FANCI: variants seen among roughly 807,000 people sequenced by gnomAD.
FANCI encodes FA complementation group I.
FANCI carries 156 observed loss-of-function variants against 176.1 expected under a neutral mutation model. That is an observed-to-expected ratio of 0.89 (90% confidence interval 0.78 to 1.01). The LOEUF (loss-of-function observed/expected upper bound fraction) is 1.01. Ranked by LOEUF, FANCI falls within the 50% of genes least tolerant of loss-of-function variation. The pLI is 0.00. For missense variants in FANCI, 1,678 were observed against 1,534.1 expected, an observed-to-expected ratio of 1.09 and a Z score of -1.57; for synonymous variants, 613 against 541.7, an observed-to-expected ratio of 1.13 and a Z score of -1.83.
chr15:89,299,812 G>C lies in FANCI; in HGVS notation c.2649G>C (p.Trp883Cys), dbSNP rs776067081. 6.2e-7 allele frequency: 1 copy of C among 1,613,594 alleles called. No individual in the cohort carries two copies. Among genetic ancestry groups the C allele is most frequent in the East Asian group, 2.2e-5 (1 of 44,834 alleles). Residue 883 changes from tryptophan to cysteine, a missense_variant, in exon 25 of 38, where the codon TGG becomes TGC. Transcript: ENST00000310775. Reference protein sequence around the residue: ...NLCDITRVLLWRYTSIPTSVE... With the variant: ...NLCDITRVLLCRYTSIPTSVE... ...TCTCCTGCTTCAGAGTCTTGCTATG[G>C]AGATACACTTCAATTCCTACTTCAG...
At chr15:89,313,671 C>G (rs532826300) in intron 35 of FANCI, among the ~76,000 whole-genome samples, 2 of 152,236 alleles carry the variant, frequency 1.3e-5, no homozygotes, top group East Asian at 1.9e-4. Context: ...GTAGCAGTTT[C>G]ACTTTTAGGA....
In FANCI at chr15:89,278,687, A is replaced by G. The variant is rs1387369541; in HGVS notation, c.1294A>G (p.Ile432Val). ...GANILLETFK[I>V]HEMIRQEILE... ...ATTTTATTTATTCTGTTCTTTTTAGATCCATGAGATGATCAGACAAGAAAT... is the reference window on the plus strand; with the variant it reads ...ATTTTATTTATTCTGTTCTTTTTAGGTCCATGAGATGATCAGACAAGAAAT... Residue 432 changes from isoleucine (I) to valine (V), a missense_variant and splice_region_variant, in exon 14 of 38, where the codon ATC becomes GTC. By Grantham distance (29) the Ile-to-Val change is conservative. Transcript: ENST00000310775. The G allele has an allele frequency of 1.2e-6, 2 of 1,611,766 alleles. No individual in the cohort carries two copies. Among genetic ancestry groups the G allele is most frequent in the African/African-American group, 1.3e-5 (1 of 75,006 alleles).
intron 37 of FANCI, 139 bp from the exon 38 acceptor site, chr15:89,316,258 T>C: frequency 1.2e-6 from 1 of 849,404 alleles, no homozygotes; most frequent in South Asian, 1.5e-5. Flanking sequence ...CATAATTACC[T>C]CCTGTGAGTG....
chr15:89,303,784 GTCTAGAACTCT>G, intron 27 of FANCI, 69 bp from the exon 28 acceptor site: 1 of 1,256,940 alleles, frequency 8.0e-7, no homozygotes. Flanking sequence ...ATATGGAAAG[GTCTAGAACTCT>G]TCTGTTCTGA....
intron 2 of FANCI, among the ~76,000 whole-genome samples, chr15:89,257,535 T>C (rs550386914): frequency 4.6e-5 from 7 of 152,292 alleles, no homozygotes; most frequent in South Asian, 2.1e-4. Context: ...TCACCTGATA[T>C]CTGCTTTCAT....
chr15:89,282,824 T>C, intron 16 of FANCI: 1 of 369,220 alleles, frequency 2.7e-6, no homozygotes, highest in Non-Finnish European at 5.2e-6. Flanking sequence ...AGCAATTTCT[T>C]ACATTTGAGT....
intron 10 of FANCI, among the ~76,000 whole-genome samples, chr15:89,270,008 G>A (rs916464574): frequency 2.6e-5 from 4 of 152,016 alleles, no homozygotes; most frequent in South Asian, 2.1e-4. Context: ...GTGGGGTTTC[G>A]CCATATTGGC....
At chr15:89,246,853 C>T (rs1222857822) in intron 1 of FANCI, among the ~76,000 whole-genome samples, 1 of 149,462 alleles carries the variant, frequency 6.7e-6, no homozygotes, top group Non-Finnish European at 1.5e-5. Flanking sequence ...GCAAGCTCCT[C>T]CTCCCGGGTT....
At chr15:89,267,579 GA>G (rs2053023069) in intron 9 of FANCI, among the ~76,000 whole-genome samples, 1 of 151,924 alleles carries the variant, frequency 6.6e-6, no homozygotes, top group Non-Finnish European at 1.5e-5. Context: ...AAGAGATTGT[GA>G]GATAAAAAAG....
chr15:89,247,021 A>G (rs941138014), intron 1 of FANCI, among the ~76,000 whole-genome samples: 5 of 148,912 alleles, frequency 3.4e-5, no homozygotes, highest in Non-Finnish European at 7.4e-5. Context: ...TGCCCTCCTC[A>G]GCCTCCCAAA....
chr15:89,246,342 A>T (rs1452903040), intron 1 of FANCI, among the ~76,000 whole-genome samples: 1 of 152,060 alleles, frequency 6.6e-6, no homozygotes, highest in East Asian at 1.9e-4. Context: ...CCTTCTCCCC[A>T]CTTTAATCTG....
At chr15:89,316,047 C>T (rs1596345316) in intron 37 of FANCI, among the ~76,000 whole-genome samples, 2 of 152,222 alleles carry the variant, frequency 1.3e-5, no homozygotes, top group Admixed American at 1.3e-4. Flanking sequence ...ACACTCCAGG[C>T]TCTAATGTAC....
intron 16 of FANCI, 68 bp downstream of exon 16, chr15:89,281,903 C>T: frequency 2.2e-6 from 3 of 1,383,798 alleles, no homozygotes; most frequent in South Asian, 2.3e-5. Flanking sequence ...GTTATCTCTG[C>T]CATCTCCTAG....
chr15:89,275,174 T>A (rs982932219), intron 12 of FANCI, among the ~76,000 whole-genome samples: 1 of 148,536 alleles, frequency 6.7e-6, no homozygotes, highest in African/African-American at 2.5e-5. Context: ...CTGATCCTCC[T>A]GCCTCAGCCT....
chr15:89,272,327 T>G (rs569892685), intron 10 of FANCI, among the ~76,000 whole-genome samples: 26 of 152,336 alleles, frequency 1.7e-4, no homozygotes, highest in African/African-American at 6.3e-4. Context: ...TCTTTGTATA[T>G]TCTACTGACA....
At chr15:89,298,244 A>G (rs1270524303) in intron 24 of FANCI, among the ~76,000 whole-genome samples, 1 of 152,184 alleles carries the variant, frequency 6.6e-6, no homozygotes, top group Non-Finnish European at 1.5e-5. Flanking sequence ...ATTCACCAAG[A>G]TGAGCCATAT....
At chr15:89,286,273 G>T (rs767659916) in intron 18 of FANCI, among the ~76,000 whole-genome samples, 1 of 152,174 alleles carries the variant, frequency 6.6e-6, no homozygotes, top group South Asian at 2.1e-4. Flanking sequence ...GATTACAGGC[G>T]TGAGCCACCA....
rs1451676691 is a variant in FANCI, at chr15:89,273,449, A to G, written c.955A>G (p.Ile319Val). 4 of 1,600,214 alleles carry G rather than the reference A, an allele frequency of 2.5e-6. No homozygotes were observed. The highest frequency in any genetic ancestry group is 1.7e-5 in the Admixed American group (1 of 59,804). ...TGCTCTTCTTCTGTCTGTAACAAGAATACAAAGATTTCAGGACCAGGTATT... is the reference window on the plus strand; with the variant it reads ...TGCTCTTCTTCTGTCTGTAACAAGAGTACAAAGATTTCAGGACCAGGTATT... ...SIALLLSVTR[I>V]QRFQDQVLDL... The change falls in exon 11 of 38, where the codon ATA becomes GTA. Residue 319 changes from isoleucine (I) to valine (V), a missense_variant. Transcript: ENST00000310775.
chr15:89,281,270 G>T lies in FANCI; in HGVS notation c.1482G>T (p.Gln494His), dbSNP rs1485202288. Reference sequence around the variant, plus strand: ...ACTATTTGTCCTTTCTGCCCCTTCAGACTGTACAAAGGCTGCTTAAGGCAG... The same window carrying T: ...ACTATTTGTCCTTTCTGCCCCTTCATACTGTACAAAGGCTGCTTAAGGCAG... ...AFDYLSFLPL[Q>H]TVQRLLKAVQ... The change falls in exon 15 of 38, where the codon CAG (glutamine) becomes CAT (histidine). Residue 494 changes from glutamine (Q) to histidine (H), a missense_variant. Gln to His is a conservative substitution (Grantham distance 24). This residue lies in a region of FANCI where 1,204 missense variants were observed against 1,077.4 expected (regional missense o/e 1.12). Transcript: ENST00000310775. The T allele has an allele frequency of 1.9e-6, 3 of 1,613,724 alleles. No homozygotes were observed. The highest frequency in any genetic ancestry group is 2.7e-5 in the African/African-American group (2 of 74,918).
Sources: gnomAD v4.1 joint callset for allele counts (sites outside exome capture counted in the v4.1 genomes callset) on GRCh38, gnomAD v4.1.1 for gene constraint, gnomAD v4.1.1 regional missense constraint, MANE v1.5 for transcripts, NCBI Gene and HGNC (gene_info 2026-07-23, HGNC 2026-07-21) for gene names.